Variants in PIEZO2 observed in about 807,000 individuals in gnomAD.
PIEZO2 encodes the protein piezo-type mechanosensitive ion channel component 2.
Under a neutral mutation model 337.3 loss-of-function variants are expected in PIEZO2, and 172 were observed. That is an observed-to-expected ratio of 0.51 (90% confidence interval 0.45 to 0.58). The LOEUF (loss-of-function observed/expected upper bound fraction) is 0.58, where lower values mean the gene tolerates loss of function less well. Among genes scored for constraint, PIEZO2 ranks in the 20% least tolerant of loss-of-function variants. PIEZO2 has a pLI of 0.00. For synonymous variants in PIEZO2, 1,251 were observed against 1,228.5 expected (o/e 1.02, Z -0.38); for missense variants, 3,028 against 3,391.3 (o/e 0.89, Z 2.66).
chr18:10,963,994 C>A (rs148237433), intron 3 of PIEZO2, among the ~76,000 whole-genome samples: 267 of 152,170 alleles, frequency 1.8e-3, no homozygotes, highest in Non-Finnish European at 3.2e-3. Context: ...CTACAAGGTT[C>A]CCAAGAAACC....
chr18:11,021,975 G>C lies in PIEZO2; in HGVS notation c.161-42315C>G, dbSNP rs1342860134. ...ACGTGTGAAGGGGATTTGCAGGGGGGTCTCTCAAGAACAAACCCCAGGCAT... is the reference window on the plus strand; with the variant it reads ...ACGTGTGAAGGGGATTTGCAGGGGGCTCTCTCAAGAACAAACCCCAGGCAT... On this transcript the variant is annotated intron_variant, in intron 2 of 55. Transcript: ENST00000674853. The surrounding 1 kb of genome is among the most constrained non-coding windows in gnomAD (Gnocchi z 4.7). Among the ~76,000 whole-genome samples, 3 of 152,168 alleles carry C rather than the reference G, an allele frequency of 2.0e-5. No individual in the cohort carries two copies. Among genetic ancestry groups the C allele is most frequent in the African/African-American group, 7.2e-5 (3 of 41,438 alleles).
Position 10,815,484 on chromosome 18 carries a change from T to C in PIEZO2, c.918-8210A>G, listed in dbSNP as rs1160539590. Among the ~76,000 whole-genome samples the C allele has an allele frequency of 6.6e-6, 1 of 152,226 alleles. No homozygotes were observed. The highest frequency in any genetic ancestry group is 1.5e-5 in the Non-Finnish European group (1 of 68,044). ...GATAGGCATACGACTTTTGAACTGC[T>C]TTTCATGACACTTCAACTTAGAATT... On this transcript the variant is annotated intron_variant, in intron 7 of 55. Transcript: ENST00000674853. The surrounding 1 kb of genome is among the most constrained non-coding windows in gnomAD (Gnocchi z 4.1).
intron 2 of PIEZO2, among the ~76,000 whole-genome samples, chr18:10,997,029 A>C (rs1239585206): frequency 2.6e-5 from 4 of 152,186 alleles, no homozygotes; most frequent in African/African-American, 9.7e-5. Flanking sequence ...GTGTTGCCCC[A>C]AATCATGCAC....
In PIEZO2 at chr18:11,104,103, A is replaced by T. The variant is rs1200015176; in HGVS notation, c.65-37881T>A. On this transcript the variant is annotated intron_variant, in intron 1 of 55. Coordinates refer to ENST00000674853, the MANE Select transcript of PIEZO2 (RefSeq NM_001378183.1). This position sits in a 1 kb window ranked among gnomAD's most constrained non-coding sequence, Gnocchi z 4.6. ...TAGTGTAATAGGATGTTAAAATTGG[A>T]TTCTTCTTATCATAGCTTTCACTGG... 1.3e-5 allele frequency among the ~76,000 whole-genome samples: 2 copies of T among 152,094 alleles called. No individual in the cohort carries two copies. The highest frequency in any genetic ancestry group is 4.8e-5 in the African/African-American group (2 of 41,394).
intron 4 of PIEZO2, among the ~76,000 whole-genome samples, chr18:10,875,112 G>T (rs998169756): frequency 6.6e-6 from 1 of 152,016 alleles, no homozygotes; most frequent in Non-Finnish European, 1.5e-5. Flanking sequence ...CTTAAAAAAT[G>T]ATCTGGAAGA....
At chr18:10,704,266 G>T (rs535814826) in intron 42 of PIEZO2, 128 bp downstream of exon 42, 2 of 1,207,830 alleles carry the variant, frequency 1.7e-6, no homozygotes, top group East Asian at 2.6e-5. Flanking sequence ...CTGTGGAACT[G>T]CATGTTCCAT....
chr18:10,797,020 A>G (rs1018039317), intron 12 of PIEZO2, among the ~76,000 whole-genome samples: 1 of 147,544 alleles, frequency 6.8e-6, no homozygotes, highest in Non-Finnish European at 1.5e-5. Context: ...CATACATACC[A>G]TCATATCATA....
chr18:10,714,883 G>T lies in PIEZO2; in HGVS notation c.5304C>A (p.His1768Gln). 1 of 1,537,248 alleles carries T rather than the reference G, an allele frequency of 6.5e-7. No homozygotes were observed. Among genetic ancestry groups the T allele is most frequent in the Non-Finnish European group, 8.7e-7 (1 of 1,146,900 alleles). Residue 1768 changes from histidine (H) to glutamine (Q), a missense_variant, in exon 39 of 56, where the codon CAC (histidine) becomes CAA (glutamine). His to Gln is a conservative substitution (Grantham distance 24, BLOSUM62 0). Around this residue, in one of 5 missense-constraint regions of PIEZO2, gnomAD observed 1,925 missense variants for 2,051.9 expected, o/e 0.94. Coordinates refer to ENST00000674853, the MANE Select transcript of PIEZO2 (RefSeq NM_001378183.1). The stretch of plus-strand genomic sequence containing the variant: ...CCGACTCTCTGGAAAGGTTCATGAT[G>T]TGGTTCTGATAGTACATGTGGATGC... ...RESIHMYYQNHIMNLSRESGL... is the reference protein window; with the variant it reads ...RESIHMYYQNQIMNLSRESGL...
intron 33 of PIEZO2, 104 bp from the exon 34 acceptor site, chr18:10,736,814 A>G: frequency 7.9e-7 from 1 of 1,263,170 alleles, no homozygotes; most frequent in Non-Finnish European, 1.1e-6. Context: ...TCCATAAGAG[A>G]ACCACAACGA....
In PIEZO2 at chr18:11,002,462, A is replaced by G. The variant is rs1287133914; in HGVS notation, c.161-22802T>C. Among the ~76,000 whole-genome samples the G allele has an allele frequency of 6.6e-6, 1 of 152,218 alleles. No individual in the cohort carries two copies. The highest frequency in any genetic ancestry group is 1.5e-5 in the Non-Finnish European group (1 of 68,040). Reference sequence around the variant, plus strand: ...CAGTCCTCACTTATGGGGAACAAACAAAGCACAGTGTTGACCCATTTGCAA... The same window carrying G: ...CAGTCCTCACTTATGGGGAACAAACGAAGCACAGTGTTGACCCATTTGCAA... On this transcript the variant is annotated intron_variant, in intron 2 of 55. Coordinates refer to ENST00000674853, the MANE Select transcript of PIEZO2 (RefSeq NM_001378183.1). The surrounding 1 kb of genome is among the most constrained non-coding windows in gnomAD (Gnocchi z 4.3).
chr18:10,726,340 C>A lies in PIEZO2; in HGVS notation c.5029+5067G>T. The A allele has an allele frequency of 6.8e-7, 1 of 1,476,156 alleles. No homozygotes were observed. Among genetic ancestry groups the A allele is most frequent in the East Asian group, 2.5e-5 (1 of 40,240 alleles). The allele number at this position is 1,476,156 out of a possible 1,614,324, so 91.4% of individuals were successfully genotyped here. A position where few individuals can be genotyped will look rare whatever the true frequency, so the allele number is the denominator to read the frequency against. On this transcript the variant is annotated intron_variant, in intron 36 of 55. Coordinates refer to ENST00000674853, the MANE Select transcript of PIEZO2 (RefSeq NM_001378183.1). This position sits in a 1 kb window ranked among gnomAD's most constrained non-coding sequence, Gnocchi z 5.9. ...GTGGGTCCCCGAACGCCCCGCCCAG[C>A]GCTGCCTCCCTTCGCCTTCCCCGCA...
intron 42 of PIEZO2, among the ~76,000 whole-genome samples, chr18:10,703,651 G>A (rs2035433818): frequency 6.6e-6 from 1 of 152,032 alleles, no homozygotes; most frequent in African/African-American, 2.4e-5. Flanking sequence ...AAAGCACCAT[G>A]GTCGTCCAGG....
At chr18:10,690,759 G>A (rs61380195) in intron 48 of PIEZO2, among the ~76,000 whole-genome samples, 8,421 of 152,158 alleles carry the variant, frequency 0.055, 385 homozygotes, top group East Asian at 0.2. Flanking sequence ...AACTTGCTAC[G>A]TGGGCACACA....
rs2042287135 is a variant in PIEZO2, at chr18:10,877,090, A to G, written c.330-5675T>C. ...GCCCCACTAAGAAATTCTGACTTGT[A>G]TTGTAGCCACCAGACTCTTCTCTAC... is the stretch of plus-strand genomic sequence containing the variant. On this transcript the variant is annotated intron_variant, in intron 4 of 55. Coordinates refer to ENST00000674853, the MANE Select transcript of PIEZO2 (RefSeq NM_001378183.1). This position sits in a 1 kb window ranked among gnomAD's most constrained non-coding sequence, Gnocchi z 5.3. 6.6e-6 allele frequency among the ~76,000 whole-genome samples: 1 copy of G among 152,192 alleles called. No homozygotes were observed. The highest frequency in any genetic ancestry group is 1.5e-5 in the Non-Finnish European group (1 of 68,026).
chr18:10,731,215 A>ATATC (rs1212965157), intron 36 of PIEZO2, among the ~76,000 whole-genome samples, 192 bp downstream of exon 36: 12 of 128,734 alleles, frequency 9.3e-5, no homozygotes, highest in Non-Finnish European at 1.3e-4. Context: ...ATATATATAT[A>ATATC]TATCTCCTAA....
intron 2 of PIEZO2, among the ~76,000 whole-genome samples, chr18:11,012,952 G>A (rs2035956026): frequency 6.6e-6 from 1 of 152,140 alleles, no homozygotes; most frequent in South Asian, 2.1e-4. Context: ...GCTGAGGTGG[G>A]AGGATTGCTT....
At chr18:10,755,193 T>A (rs918693749) in intron 27 of PIEZO2, among the ~76,000 whole-genome samples, 1 of 152,148 alleles carries the variant, frequency 6.6e-6, no homozygotes, top group African/African-American at 2.4e-5. Context: ...ATCCACACCA[T>A]GTAAACAGGA....
chr18:11,124,972 A>ATT (rs1345657233), intron 1 of PIEZO2, among the ~76,000 whole-genome samples: 2 of 152,172 alleles, frequency 1.3e-5, no homozygotes, highest in Non-Finnish European at 2.9e-5. Context: ...CTAGACTCAA[A>ATT]TTAAGTCCAG....
rs1414984318 is a variant in PIEZO2, at chr18:11,045,294, T to A, written c.160+20833A>T. On this transcript the variant is annotated intron_variant, in intron 2 of 55. Coordinates refer to ENST00000674853, the MANE Select transcript of PIEZO2 (RefSeq NM_001378183.1). Reference sequence around the variant, plus strand: ...CTGGGCGACAGAGTGAGACTCCGTCTCAAAAAAAAAAAAAAAAAAAAAAAA... The same window carrying A: ...CTGGGCGACAGAGTGAGACTCCGTCACAAAAAAAAAAAAAAAAAAAAAAAA... Among the ~76,000 whole-genome samples the A allele has an allele frequency of 2.5e-4, 7 of 27,812 alleles. No individual in the cohort carries two copies. The East Asian group carries it at 7.2e-3, about 29-fold the overall frequency. 18.2% of individuals were successfully genotyped at this position (27,812 alleles called of 152,430 possible). A position where few individuals can be genotyped will look rare whatever the true frequency, so the allele number is the denominator to read the frequency against.
Sources: gnomAD v4.1 joint callset for allele counts (sites outside exome capture counted in the v4.1 genomes callset) on GRCh38, gnomAD v4.1.1 for gene constraint, gnomAD v4.1.1 regional missense constraint, Gnocchi (gnomAD v3.1) non-coding constraint, MANE v1.5 for transcripts, NCBI Gene and HGNC (gene_info 2026-07-23, HGNC 2026-07-21) for gene names.